LRRTM4: variants seen among roughly 807,000 people sequenced by gnomAD.
LRRTM4 encodes the protein leucine rich repeat transmembrane neuronal 4.
LRRTM4 carries 25 observed loss-of-function variants against 47.6 expected under a neutral mutation model. The observed-to-expected ratio is 0.53, with a 90% CI of 0.38 to 0.73. LRRTM4 has a LOEUF of 0.73. Among genes scored for constraint, LRRTM4 ranks in the 30% least tolerant of loss-of-function variants. The pLI is 0.00. For synonymous variants in LRRTM4, 311 were observed against 269.5 expected (o/e 1.15, Z -1.51); for missense variants, 638 against 713.4 (o/e 0.89, Z 1.20).
intron 3 of LRRTM4, among the ~76,000 whole-genome samples, chr2:76,754,153 G>A (rs1672946980): frequency 1.3e-5 from 2 of 152,170 alleles, no homozygotes; most frequent in African/African-American, 4.8e-5. Context: ...ATTCAATGCA[G>A]TTGAATTGCT....
chr2:77,052,573 G>T (rs1679474113), intron 3 of LRRTM4, among the ~76,000 whole-genome samples: 1 of 151,748 alleles, frequency 6.6e-6, no homozygotes, highest in Non-Finnish European at 1.5e-5. Flanking sequence ...CTTTCAACTG[G>T]TATTTTTTTT....
intron 3 of LRRTM4, among the ~76,000 whole-genome samples, chr2:77,483,538 A>G (rs950476505): frequency 2.6e-5 from 4 of 152,090 alleles, no homozygotes; most frequent in African/African-American, 9.7e-5. Context: ...ACGGAGTTTC[A>G]CCATGTTGGC....
chr2:76,983,820 A>C (rs746792312), intron 3 of LRRTM4, among the ~76,000 whole-genome samples: 1 of 152,084 alleles, frequency 6.6e-6, no homozygotes, highest in Non-Finnish European at 1.5e-5. Context: ...CAAATATTTT[A>C]AAATTCATTT....
At chr2:77,231,872 T>C (rs1469662554) in intron 3 of LRRTM4, among the ~76,000 whole-genome samples, 1 of 152,232 alleles carries the variant, frequency 6.6e-6, no homozygotes, top group African/African-American at 2.4e-5. Flanking sequence ...CTAATTTAGA[T>C]CCACCCAGGA....
chr2:77,198,887 T>A (rs1429699671), intron 3 of LRRTM4, among the ~76,000 whole-genome samples: 1 of 152,152 alleles, frequency 6.6e-6, no homozygotes, highest in African/African-American at 2.4e-5. Flanking sequence ...CTGCATATAT[T>A]ATTTTCTTAT....
chr2:76,920,351 C>T (rs1674392592), intron 3 of LRRTM4, among the ~76,000 whole-genome samples: 1 of 152,154 alleles, frequency 6.6e-6, no homozygotes, highest in Admixed American at 6.5e-5. Flanking sequence ...TTCTGTAATA[C>T]CTTGAATCCT....
intron 3 of LRRTM4, among the ~76,000 whole-genome samples, chr2:77,214,305 G>A (rs964211545): frequency 2.0e-5 from 3 of 152,096 alleles, no homozygotes; most frequent in African/African-American, 7.2e-5. Flanking sequence ...TTAATTGCTT[G>A]GGGTTAAGTC....
intron 3 of LRRTM4, among the ~76,000 whole-genome samples, chr2:77,092,061 C>A (rs1237108505): frequency 1.2e-4 from 18 of 152,176 alleles, no homozygotes; most frequent in Admixed American, 8.5e-4. Flanking sequence ...TAAAGGCCCT[C>A]AAAATCACAA....
At position 77,387,302 on chromosome 2, in the gene LRRTM4, C is replaced by G. The variant is rs114713932; in HGVS notation, c.1551+131016G>C. 2.4e-3 allele frequency among the ~76,000 whole-genome samples: 364 copies of G among 152,114 alleles called. 1 individual carries two copies. Among genetic ancestry groups the G allele is most frequent in the African/African-American group, 8.3e-3 (344 of 41,502 alleles). On this transcript the variant is annotated intron_variant, in intron 3 of 3. Coordinates refer to ENST00000409884, the MANE Select transcript of LRRTM4 (RefSeq NM_001134745.3). Reference sequence around the variant, plus strand: ...TATATAAGCTTGCTGATTTGTAAACCAAAGGAAATTTTCTAAGTTTTTGTT... The same window carrying G: ...TATATAAGCTTGCTGATTTGTAAACGAAAGGAAATTTTCTAAGTTTTTGTT...
At chr2:77,476,985 T>C (rs1677422695) in intron 3 of LRRTM4, among the ~76,000 whole-genome samples, 1 of 148,200 alleles carries the variant, frequency 6.7e-6, no homozygotes, top group Non-Finnish European at 1.5e-5. Context: ...TGTGTGTGTG[T>C]GTGTGTGTGT....
intron 3 of LRRTM4, among the ~76,000 whole-genome samples, chr2:77,175,636 CT>C (rs1178641570): frequency 6.6e-6 from 1 of 152,176 alleles, no homozygotes; most frequent in Admixed American, 6.6e-5. Context: ...CCACCTGTTT[CT>C]TTGTTGGATT....
chr2:76,882,760 C>T (rs1672967791), intron 3 of LRRTM4, among the ~76,000 whole-genome samples: 1 of 151,956 alleles, frequency 6.6e-6, no homozygotes, highest in Non-Finnish European at 1.5e-5. Context: ...AGGGAGTTTA[C>T]TTTTTCCATT....
At chr2:77,481,290 A>G (rs1357643569) in intron 3 of LRRTM4, among the ~76,000 whole-genome samples, 1 of 152,204 alleles carries the variant, frequency 6.6e-6, no homozygotes, top group African/African-American at 2.4e-5. Flanking sequence ...AGGCTCAGCA[A>G]GTATCCTGCC....
At chr2:77,155,545 A>G (rs1346012267) in intron 3 of LRRTM4, among the ~76,000 whole-genome samples, 1 of 151,574 alleles carries the variant, frequency 6.6e-6, no homozygotes, top group East Asian at 1.9e-4. Flanking sequence ...AACACATAGA[A>G]ACTTTGAATA....
chr2:77,405,675 A>G (rs1674154732), intron 3 of LRRTM4, among the ~76,000 whole-genome samples: 1 of 152,138 alleles, frequency 6.6e-6, no homozygotes, highest in African/African-American at 2.4e-5. Flanking sequence ...GAAACAAAAA[A>G]AGTGTTGACG....
chr2:77,077,874 A>G (rs1371837488), intron 3 of LRRTM4, among the ~76,000 whole-genome samples: 1 of 152,190 alleles, frequency 6.6e-6, no homozygotes, highest in Non-Finnish European at 1.5e-5. Context: ...ATTCATGGTA[A>G]TTAGCACATG....
chr2:77,315,039 C>T (rs891924552), intron 3 of LRRTM4, among the ~76,000 whole-genome samples: 3 of 152,134 alleles, frequency 2.0e-5, no homozygotes, highest in Non-Finnish European at 4.4e-5. Context: ...GTTAGGTGTA[C>T]TAAATGCATT....
chr2:77,374,970 A>G (rs1186228162), intron 3 of LRRTM4, among the ~76,000 whole-genome samples: 1 of 151,730 alleles, frequency 6.6e-6, no homozygotes, highest in Non-Finnish European at 1.5e-5. Context: ...TCAGTTTTCT[A>G]AATTTCTTCT....
chr2:76,975,274 C>G (rs1025274733), intron 3 of LRRTM4, among the ~76,000 whole-genome samples: 33 of 151,716 alleles, frequency 2.2e-4, no homozygotes, highest in Non-Finnish European at 4.0e-4. Flanking sequence ...AACAGGGCAT[C>G]TTACTTCCTA....
Sources: allele counts gnomAD v4.1 joint callset (sites outside exome capture counted in the v4.1 genomes callset), GRCh38; gene constraint gnomAD v4.1.1; transcripts MANE v1.5; gene names NCBI Gene and HGNC (gene_info 2026-07-23, HGNC 2026-07-21).